The following LRRC55 variants were observed in gnomAD, a reference collection of about 807,000 sequenced individuals.
The protein encoded by LRRC55 is leucine-rich repeat-containing protein 55.
A neutral mutation model predicts 20.5 loss-of-function variants in LRRC55; 11 were observed. That is an observed-to-expected ratio of 0.54 (90% confidence interval 0.34 to 0.89). The LOEUF (loss-of-function observed/expected upper bound fraction) is 0.89, where lower values mean the gene tolerates loss of function less well. LRRC55 is among the 40% of genes least tolerant of loss of function. The pLI is 0.02. For missense variants in LRRC55, 358 were observed against 390.9 expected (o/e 0.92, Z 0.71); for synonymous variants, 188 against 166.6 (o/e 1.13, Z -0.99).
At position 57,187,524 on chromosome 11, in the gene LRRC55, G is replaced by A. The variant is rs370369277; in HGVS notation, c.*44G>A. ...CTCCATGCTGCTGACCGCCACAGCTGCTGGCCACCAGACGCCCTCCCTGAC... is the reference window on the plus strand; with the variant it reads ...CTCCATGCTGCTGACCGCCACAGCTACTGGCCACCAGACGCCCTCCCTGAC... On this transcript the variant is annotated 3_prime_UTR_variant, in exon 2 of 2. Coordinates refer to ENST00000497933, the MANE Select transcript of LRRC55 (RefSeq NM_001005210.4). The A allele has an allele frequency of 1.3e-6, 2 of 1,561,036 alleles. No homozygotes were observed. Among genetic ancestry groups the A allele is most frequent in the South Asian group, 1.1e-5 (1 of 88,304 alleles).
intron 1 of LRRC55, among the ~76,000 whole-genome samples, chr11:57,184,230 C>A (rs779884531): frequency 6.6e-6 from 1 of 151,654 alleles, no homozygotes; most frequent in African/African-American, 2.4e-5. Flanking sequence ...ACTTGGCAGG[C>A]GCGCCTTCCC....
intron 1 of LRRC55, among the ~76,000 whole-genome samples, chr11:57,185,647 C>CA (rs58730033): frequency 1.0e-4 from 15 of 149,350 alleles, no homozygotes; most frequent in African/African-American, 2.2e-4. Context: ...CCAGAAAGAC[C>CA]AAAAAAAAAG....
Position 57,182,516 on chromosome 11 carries a change from G to A in LRRC55, c.494G>A (p.Arg165Gln), listed in dbSNP as rs374511641. Residue 165 changes from arginine (R) to glutamine (Q), a missense_variant, in exon 1 of 2, where the codon CGA (arginine) becomes CAA (glutamine). Arg to Gln is a conservative substitution (Grantham distance 43). This residue lies in a region of LRRC55 where 178 missense variants were observed against 207.9 expected (regional missense o/e 0.86). Coordinates refer to ENST00000497933, the MANE Select transcript of LRRC55 (RefSeq NM_001005210.4). ...GCCTTTCAGGGCCTCATGCAGCTCCGAGACCTGGACCTCAGTTATGGGGGC... is the reference window on the plus strand; with the variant it reads ...GCCTTTCAGGGCCTCATGCAGCTCCAAGACCTGGACCTCAGTTATGGGGGC... The part of the protein sequence containing the change: ...PQAFQGLMQL[R>Q]DLDLSYGGLA... 1.6e-5 allele frequency: 26 copies of A among 1,596,226 alleles called. No homozygotes were observed. The Middle Eastern group carries it at 8.3e-4, about 51-fold the overall frequency.
rs923524045 is a variant in LRRC55 at position 57,187,254 on chromosome 11, T to G, written c.671T>G (p.Leu224Arg). The change falls in exon 2 of 2, where the codon CTG becomes CGG. Residue 224 changes from leucine to arginine, a missense_variant. By Grantham distance (102) the Leu-to-Arg change is moderately radical. Around this residue, in one of 3 missense-constraint regions of LRRC55, gnomAD observed 178 missense variants for 207.9 expected, o/e 0.86. Transcript: ENST00000497933. ...GGCTTCTGTGTTACAGATTCTCAGC[T>G]GGCTGAGTGCCGGGGCCCTCCTGAA... The part of the protein sequence containing the change: ...RIQRCTADSQ[L>R]AECRGPPEVE... 1 of 1,613,640 alleles carries G rather than the reference T, an allele frequency of 6.2e-7. No homozygotes were observed. The highest frequency in any genetic ancestry group is 1.1e-5 in the South Asian group (1 of 91,072).
intron 1 of LRRC55, among the ~76,000 whole-genome samples, chr11:57,185,273 T>C (rs4641496): frequency 0.28 from 5,106 of 17,996 alleles, 349 homozygotes; most frequent in South Asian, 0.36. Flanking sequence ...TTCTTTTCTT[T>C]TTTTTTTTTT....
At chr11:57,185,755 T>G (rs1854424222) in intron 1 of LRRC55, among the ~76,000 whole-genome samples, 1 of 152,074 alleles carries the variant, frequency 6.6e-6, no homozygotes, top group African/African-American at 2.4e-5. Flanking sequence ...GGCAAGAGTG[T>G]CACATGCACA....
intron 1 of LRRC55, among the ~76,000 whole-genome samples, chr11:57,184,865 C>T (rs915031585): frequency 6.6e-6 from 1 of 152,168 alleles, no homozygotes; most frequent in African/African-American, 2.4e-5. Context: ...TTGCCACATT[C>T]CCCATCTCAC....
intron 1 of LRRC55, among the ~76,000 whole-genome samples, chr11:57,184,986 C>A (rs192955679): frequency 1.4e-3 from 206 of 152,308 alleles, no homozygotes; most frequent in African/African-American, 4.7e-3. Flanking sequence ...CTGGCCTGGG[C>A]AGGACGGGGG....
chr11:57,188,524 C>T lies in LRRC55; in HGVS notation c.*1044C>T, dbSNP rs1307715789. ...TGAGAGAGCTATTAAATACTAAGCCCTTGCCAGTGTCAGGTACTTTGAAAA... is the reference window on the plus strand; with the variant it reads ...TGAGAGAGCTATTAAATACTAAGCCTTTGCCAGTGTCAGGTACTTTGAAAA... On this transcript the variant is annotated 3_prime_UTR_variant, in exon 2 of 2. Transcript: ENST00000497933. The T allele has an allele frequency of 6.6e-6, 1 of 152,212 alleles. No homozygotes were observed. The highest frequency in any genetic ancestry group is 1.5e-5 in the Non-Finnish European group (1 of 68,046). 9.4% of individuals were successfully genotyped at this position (152,212 alleles called of 1,614,324 possible).
intron 1 of LRRC55, among the ~76,000 whole-genome samples, chr11:57,184,457 T>A (rs1219790444): frequency 1.3e-5 from 2 of 152,076 alleles, no homozygotes; most frequent in Admixed American, 6.5e-5. Flanking sequence ...ACAGTGACTG[T>A]CCACAGGCCC....
chr11:57,187,522 C>A lies in LRRC55; in HGVS notation c.*42C>A, dbSNP rs762062100. Reference sequence around the variant, plus strand: ...CCCTCCATGCTGCTGACCGCCACAGCTGCTGGCCACCAGACGCCCTCCCTG... The same window carrying A: ...CCCTCCATGCTGCTGACCGCCACAGATGCTGGCCACCAGACGCCCTCCCTG... On this transcript the variant is annotated 3_prime_UTR_variant, in exon 2 of 2. Coordinates refer to ENST00000497933, the MANE Select transcript of LRRC55 (RefSeq NM_001005210.4). 2 of 1,565,108 alleles carry A rather than the reference C, an allele frequency of 1.3e-6. No homozygotes were observed. Among genetic ancestry groups the A allele is most frequent in the Non-Finnish European group, 8.7e-7 (1 of 1,146,748 alleles).
In LRRC55 at chr11:57,182,304, G is replaced by A. The variant is rs1236572423; in HGVS notation, c.282G>A (p.Leu94=). ...YLTCYMELQV[L]DLHNNSLMEL... ...CATGCTACATGGAGCTCCAGGTGCT[G>A]GATTTGCACAACAACTCCTTAATGG... Residue 94 remains leucine (L), a synonymous_variant, in exon 1 of 2, where the codon CTG becomes CTA. Coordinates refer to ENST00000497933, the MANE Select transcript of LRRC55 (RefSeq NM_001005210.4). The A allele has an allele frequency of 1.2e-6, 2 of 1,614,150 alleles. No individual in the cohort carries two copies. Among genetic ancestry groups the A allele is most frequent in the South Asian group, 1.1e-5 (1 of 91,070 alleles).
intron 1 of LRRC55, among the ~76,000 whole-genome samples, chr11:57,186,439 C>G (rs992761890): frequency 6.6e-5 from 10 of 152,130 alleles, no homozygotes; most frequent in Non-Finnish European, 4.4e-5. Flanking sequence ...ATCAACACTA[C>G]ATAGAAAAAC....
At chr11:57,186,892 G>A (rs922862178) in intron 1 of LRRC55, among the ~76,000 whole-genome samples, 3 of 152,220 alleles carry the variant, frequency 2.0e-5, no homozygotes, top group Non-Finnish European at 4.4e-5. Flanking sequence ...TCAGCTGCTG[G>A]TGAGGTCCCA....
intron 1 of LRRC55, 74 bp downstream of exon 1, chr11:57,182,757 C>T (rs1056578147): frequency 1.2e-5 from 17 of 1,368,276 alleles, no homozygotes; most frequent in East Asian, 2.5e-5. Flanking sequence ...CCAAAGAAAG[C>T]GGGGGAACTT....
intron 1 of LRRC55, among the ~76,000 whole-genome samples, chr11:57,186,308 T>C (rs1015008413): frequency 6.6e-6 from 1 of 152,204 alleles, no homozygotes; most frequent in Non-Finnish European, 1.5e-5. Context: ...ATTCATGTTG[T>C]AAAGATTCGT....
Position 57,182,693 on chromosome 11 carries a change from G to T in LRRC55, c.661+10G>T. 1 of 1,465,382 alleles carries T rather than the reference G, an allele frequency of 6.8e-7. No homozygotes were observed. The highest frequency in any genetic ancestry group is 9.0e-7 in the Non-Finnish European group (1 of 1,105,438). The allele number at this position is 1,465,382 out of a possible 1,614,324, so 90.8% of individuals were successfully genotyped here. On this transcript the variant is annotated intron_variant, in intron 1 of 1. Coordinates refer to ENST00000497933, the MANE Select transcript of LRRC55 (RefSeq NM_001005210.4). ...CAGCGCTGTACAGCAGGTAATAGAG[G>T]GGCAGAACGGGGCAGTCAACAGGGA...
Position 57,182,277 on chromosome 11 carries a change from C to T in LRRC55, c.255C>T (p.Leu85=), listed in dbSNP as rs747329075. The change falls in exon 1 of 2, where the codon CTC becomes CTT. Residue 85 remains leucine (L), a synonymous_variant. Transcript: ENST00000497933. Reference sequence around the variant, plus strand: ...TCACAGCAGTGCCGCCTGGCTACCTCACATGCTACATGGAGCTCCAGGTGC... The same window carrying T: ...TCACAGCAGTGCCGCCTGGCTACCTTACATGCTACATGGAGCTCCAGGTGC... ...NRITAVPPGY[L]TCYMELQVLD... 1 of 1,614,228 alleles carries T rather than the reference C, an allele frequency of 6.2e-7. No homozygotes were observed. Among genetic ancestry groups the T allele is most frequent in the Admixed American group, 1.7e-5 (1 of 60,028 alleles).
Position 57,185,278 on chromosome 11 carries a change from T to C in LRRC55, c.662-1967T>C, listed in dbSNP as rs1208873432. Among the ~76,000 whole-genome samples the C allele has an allele frequency of 7.3e-5, 9 of 122,948 alleles. 1 individual carries two copies. The East Asian group carries it at 9.1e-4, about 12-fold the overall frequency. 80.7% of individuals were successfully genotyped at this position (122,948 alleles called of 152,430 possible). A position where few individuals can be genotyped will look rare whatever the true frequency, so the allele number is the denominator to read the frequency against. On this transcript the variant is annotated intron_variant, in intron 1 of 1. Transcript: ENST00000497933. The stretch of plus-strand genomic sequence containing the variant: ...TTCTTTTCTTTTCTTTTCTTTTTTT[T>C]TTTTTTTTTTTTTTTTTTTTGAGAC...
Sources: allele counts gnomAD v4.1 joint callset (sites outside exome capture counted in the v4.1 genomes callset), GRCh38; gene constraint gnomAD v4.1.1; regional missense constraint gnomAD v4.1.1; transcripts MANE v1.5; gene names NCBI Gene and HGNC (gene_info 2026-07-23, HGNC 2026-07-21).